The following OPRM1 variants were observed in gnomAD, a reference collection of about 807,000 sequenced individuals.
OPRM1 encodes the protein opioid receptor mu 1, also known as mu-type opioid receptor.
In OPRM1, 27 loss-of-function variants were observed where a neutral mutation model predicts 31.8. The observed-to-expected ratio is 0.85, with a 90% confidence interval of 0.63 to 1.17. The LOEUF (loss-of-function observed/expected upper bound fraction) is 1.17. Among genes scored for constraint, OPRM1 ranks in the 50% most tolerant of loss-of-function variants. The pLI, the probability that OPRM1 is intolerant of heterozygous loss-of-function variation, is 0.00. For missense variants in OPRM1, 536 were observed against 511.1 expected, an observed-to-expected ratio of 1.05 and a Z score of -0.47; for synonymous variants, 196 against 189.9, an observed-to-expected ratio of 1.03 and a Z score of -0.26.
At chr6:154,200,449 G>A (rs974789732) in intron 3 of OPRM1, among the ~76,000 whole-genome samples, 1 of 152,186 alleles carries the variant, frequency 6.6e-6, no homozygotes, top group Non-Finnish European at 1.5e-5. Context: ...GGCTGGGTGC[G>A]ATGGCTCATG....
Position 154,107,866 on chromosome 6 carries a change from C to T in OPRM1, c.1165-10817C>T, listed in dbSNP as rs569610408. On this transcript the variant is annotated intron_variant, in intron 3 of 3. Transcript: ENST00000330432. ...ATCCCTCAACACAGAAAAACGACCTCATAACACAAAATACACCAGCTTAAA... is the reference window on the plus strand; with the variant it reads ...ATCCCTCAACACAGAAAAACGACCTTATAACACAAAATACACCAGCTTAAA... 3 of 694,380 alleles carry T rather than the reference C, an allele frequency of 4.3e-6. No homozygotes were observed. The South Asian group carries it at 4.7e-5, about 11-fold the overall frequency. The allele number at this position is 694,380 out of a possible 1,614,324, so 43.0% of individuals were successfully genotyped here. A position where few individuals can be genotyped will look rare whatever the true frequency, so the allele number is the denominator to read the frequency against.
intron 3 of OPRM1, among the ~76,000 whole-genome samples, chr6:154,201,765 C>T (rs754911948): frequency 1.3e-5 from 2 of 152,142 alleles, no homozygotes; most frequent in African/African-American, 2.4e-5. Flanking sequence ...CATGGTGGCT[C>T]ATGCCTGTAA....
intron 3 of OPRM1, chr6:154,167,783 A>G (rs1157519215): frequency 1.6e-5 from 10 of 615,460 alleles, no homozygotes; most frequent in East Asian, 1.1e-4. Flanking sequence ...ATCTTGCCCT[A>G]TAAAGGTTAT....
chr6:154,167,914 T>G (rs1799568129), intron 3 of OPRM1: 1 of 1,568,914 alleles, frequency 6.4e-7, no homozygotes, highest in Non-Finnish European at 8.7e-7. Flanking sequence ...TTTGAAATTT[T>G]GTTACCTTTA....
In OPRM1 at chr6:154,039,718, G is replaced by A. The variant is rs201511978; in HGVS notation, c.174G>A (p.Leu58=). 343 of 1,612,408 alleles carry A rather than the reference G, an allele frequency of 2.1e-4. 2 individuals carry two copies. In the Middle Eastern group the frequency reaches 2.1e-3, roughly 10 times the overall value. ...CCGACCTGGGCGGGAGAGACAGCCT[G>A]TGCCCTCCGACCGGCAGTCCCTCCA... ...NRTDLGGRDS[L]CPPTGSPSMI... Residue 58 remains leucine (L), a synonymous_variant, in exon 1 of 4, where the codon CTG becomes CTA. Transcript: ENST00000330432.
intron 1 of OPRM1, among the ~76,000 whole-genome samples, chr6:154,022,300 A>G (rs539488366): frequency 1.3e-5 from 2 of 152,200 alleles, no homozygotes; most frequent in South Asian, 4.1e-4. Flanking sequence ...CCAAGTGTAT[A>G]AAATCCTCTG....
At chr6:154,165,290 T>A (rs1014709601) in intron 3 of OPRM1, among the ~76,000 whole-genome samples, 1 of 152,142 alleles carries the variant, frequency 6.6e-6, no homozygotes, top group Non-Finnish European at 1.5e-5. Context: ...ACATCCCCTC[T>A]CAGTCCCATC....
At chr6:154,162,159 G>T (rs568487274) in intron 3 of OPRM1, among the ~76,000 whole-genome samples, 1 of 152,236 alleles carries the variant, frequency 6.6e-6, no homozygotes, top group South Asian at 2.1e-4. Context: ...CTCCACTTGG[G>T]CACAATGGCC....
upstream of OPRM1, chr6:154,039,015 T>G: frequency 1.1e-6 from 1 of 933,476 alleles, no homozygotes; most frequent in Non-Finnish European, 1.6e-6. Context: ...TAGGGTTTCA[T>G]CAAGCCAATG....
At chr6:154,241,476 TACTC>T (rs1463685904) in intron 3 of OPRM1, among the ~76,000 whole-genome samples, 3 of 152,180 alleles carry the variant, frequency 2.0e-5, no homozygotes, top group African/African-American at 2.4e-5. Flanking sequence ...CCACCCTTCT[TACTC>T]ACAAACTCTT....
chr6:154,014,638 G>A (rs115180758), intron 1 of OPRM1, among the ~76,000 whole-genome samples: 2,378 of 151,994 alleles, frequency 0.016, 80 homozygotes, highest in African/African-American at 0.054. Context: ...CCTTGAATAC[G>A]TTACTGCTGG....
intron 1 of OPRM1, among the ~76,000 whole-genome samples, chr6:154,026,590 G>T (rs1324040132): frequency 6.6e-6 from 1 of 151,932 alleles, no homozygotes; most frequent in East Asian, 1.9e-4. Flanking sequence ...CCATTTGAGG[G>T]CTGTTTGCTA....
intron 1 of OPRM1, among the ~76,000 whole-genome samples, chr6:154,079,572 A>G (rs1788637259): frequency 6.6e-6 from 1 of 152,274 alleles, no homozygotes; most frequent in Non-Finnish European, 1.5e-5. Context: ...AAGACGATAG[A>G]AAATCACAAG....
chr6:154,199,540 G>GCC (rs1776906704), intron 3 of OPRM1: 2 of 1,110,162 alleles, frequency 1.8e-6, no homozygotes, highest in Non-Finnish European at 2.5e-6. Flanking sequence ...TCTGGGCATA[G>GCC]CCCCACTTGA....
intron 3 of OPRM1, chr6:154,107,747 G>A (rs777676736): frequency 1.4e-6 from 1 of 718,446 alleles, no homozygotes. Context: ...GTTGGTTTCA[G>A]GGACCTCCAG....
chr6:154,226,323 G>T (rs1038223475), intron 3 of OPRM1, among the ~76,000 whole-genome samples: 3 of 152,144 alleles, frequency 2.0e-5, no homozygotes, highest in African/African-American at 7.2e-5. Context: ...TGCCTAGTAA[G>T]CCTATTCCCA....
At chr6:154,060,997 ACT>A (rs1332563615) in intron 1 of OPRM1, among the ~76,000 whole-genome samples, 6 of 152,164 alleles carry the variant, frequency 3.9e-5, no homozygotes, top group Non-Finnish European at 7.3e-5. Context: ...CAAATATCTC[ACT>A]CTCACTAAAA....
chr6:154,236,866 C>T (rs565574058), intron 3 of OPRM1, among the ~76,000 whole-genome samples: 10 of 152,294 alleles, frequency 6.6e-5, no homozygotes, highest in Admixed American at 6.5e-4. Context: ...AGAGATTCTA[C>T]ATTGTGAGCC....
At chr6:154,041,297 G>GA (rs1184390327) in intron 1 of OPRM1, among the ~76,000 whole-genome samples, 1 of 152,094 alleles carries the variant, frequency 6.6e-6, no homozygotes, top group African/African-American at 2.4e-5. Context: ...ACAACAGAAG[G>GA]AAAAATGCAA....
Sources: gnomAD v4.1 joint callset for allele counts (sites outside exome capture counted in the v4.1 genomes callset) on GRCh38, gnomAD v4.1.1 for gene constraint, MANE v1.5 for transcripts, NCBI Gene and HGNC (gene_info 2026-07-23, HGNC 2026-07-21) for gene names.